Variants in DMD observed in about 807,000 individuals in gnomAD.
DMD encodes dystrophin, also known as mutant dystrophin.
Under a neutral mutation model 330.1 loss-of-function variants are expected in DMD, and 63 were observed. The observed-to-expected ratio is 0.19, with a 90% confidence interval of 0.16 to 0.24. The LOEUF (loss-of-function observed/expected upper bound fraction) is 0.24, where lower values mean the gene tolerates loss of function less well. Ranked by LOEUF, DMD falls within the 10% of genes least tolerant of loss-of-function variation. DMD has a pLI of 1.00. For missense variants in DMD, 3,344 were observed against 2,684.1 expected (o/e 1.25, Z -5.43); for synonymous variants, 1,223 against 959.8 (o/e 1.27, Z -5.07).
At chrX:32,783,949 T>C (rs1047218413) in intron 7 of DMD, among the ~76,000 whole-genome samples, 3 of 106,772 alleles carry the variant, frequency 2.8e-5, no homozygotes, top group African/African-American at 6.8e-5. Context: ...ATTACAGAGA[T>C]TTCCCGATCC....
chrX:32,656,222 C>T (rs894590788), intron 9 of DMD, among the ~76,000 whole-genome samples: 10 of 111,794 alleles, frequency 8.9e-5, no homozygotes, highest in African/African-American at 2.9e-4. Context: ...CATAGATATG[C>T]TCTCTTCTTC....
chrX:31,131,359 T>A (rs1200512399), intron 77 of DMD, among the ~76,000 whole-genome samples: 1 of 112,032 alleles, frequency 8.9e-6, no homozygotes, highest in Non-Finnish European at 1.9e-5. Context: ...AGGCATCACT[T>A]GATGAAACTT....
At chrX:31,364,432 C>A (rs2059122727) in intron 60 of DMD, among the ~76,000 whole-genome samples, 1 of 111,731 alleles carries the variant, frequency 9.0e-6, no homozygotes, top group African/African-American at 3.3e-5. Context: ...GGGCCTGCAG[C>A]AATAGTCTGA....
chrX:31,470,763 C>T (rs2067235322), intron 59 of DMD, among the ~76,000 whole-genome samples: 1 of 112,080 alleles, frequency 8.9e-6, no homozygotes, highest in Admixed American at 9.4e-5. Context: ...GCCCCTTCCC[C>T]GTGGTGCTCT....
rs150210240 is a variant in DMD at position 32,972,111 on chromosome X, A to G, written c.93+48028T>C. Among the ~76,000 whole-genome samples, 845 of 111,732 alleles carry G rather than the reference A, an allele frequency of 7.6e-3. 10 individuals are homozygous for G. Among genetic ancestry groups the G allele is most frequent in the African/African-American group, 0.026 (798 of 30,798 alleles). On this transcript the variant is annotated intron_variant, in intron 2 of 78. Transcript: ENST00000357033. ...CGCACTTAGCAAAAATTACATTTATAACCTTGGCTTTTAATCAAGGTTTAC... is the reference window on the plus strand; with the variant it reads ...CGCACTTAGCAAAAATTACATTTATGACCTTGGCTTTTAATCAAGGTTTAC...
chrX:32,701,081 C>T (rs1464047921), intron 7 of DMD, among the ~76,000 whole-genome samples: 2 of 112,076 alleles, frequency 1.8e-5, no homozygotes, highest in Non-Finnish European at 3.8e-5. Flanking sequence ...ATATGAATCA[C>T]CTGGGGATCT....
intron 52 of DMD, among the ~76,000 whole-genome samples, chrX:31,708,830 T>C (rs969231899): frequency 2.7e-5 from 3 of 112,333 alleles, no homozygotes; most frequent in African/African-American, 9.7e-5. Flanking sequence ...TCAGTTTCCA[T>C]CCCTGTTCAA....
chrX:31,502,030 T>C (rs2070454162), intron 56 of DMD, among the ~76,000 whole-genome samples: 1 of 111,147 alleles, frequency 9.0e-6, no homozygotes, highest in South Asian at 3.8e-4. Flanking sequence ...GAAAAGACAG[T>C]CTCTTCAACA....
intron 2 of DMD, among the ~76,000 whole-genome samples, chrX:32,850,235 G>C (rs896644708): frequency 9.0e-6 from 1 of 111,611 alleles, no homozygotes; most frequent in Non-Finnish European, 1.9e-5. Flanking sequence ...ATACCAGTCA[G>C]AGTGGTTCGA....
intron 52 of DMD, among the ~76,000 whole-genome samples, chrX:31,680,381 T>G (rs2082311346): frequency 1.8e-5 from 2 of 110,752 alleles, no homozygotes; most frequent in Middle Eastern, 4.7e-3. Context: ...TTCTTTCTTT[T>G]TTTTTTTTGA....
chrX:32,691,330 A>AC lies in DMD; in HGVS notation c.960+6539_960+6540insG, dbSNP rs761519747. On this transcript the variant is annotated intron_variant, in intron 9 of 78. Coordinates refer to ENST00000357033, the MANE Select transcript of DMD (RefSeq NM_004006.3). ...CTACAACTCATTGGCAAAAAAAAAAAAACTAAAAACGCAATTAAAAATGGG... is the reference window on the plus strand; with the variant it reads ...CTACAACTCATTGGCAAAAAAAAAAACAACTAAAAACGCAATTAAAAATGGG... Among the ~76,000 whole-genome samples the AC allele has an allele frequency of 1.2e-4, 13 of 110,441 alleles. No individual in the cohort carries two copies. In the East Asian group the frequency reaches 3.7e-3, roughly 31 times the overall value.
Position 31,516,437 on chromosome X carries a change from C to T in DMD, c.8218-8984G>A, listed in dbSNP as rs752688137. Among the ~76,000 whole-genome samples, 9 of 111,236 alleles carry T rather than the reference C, an allele frequency of 8.1e-5. No individual in the cohort carries two copies. The South Asian group carries it at 3.4e-3, about 42-fold the overall frequency. On this transcript the variant is annotated intron_variant, in intron 55 of 78. Transcript: ENST00000357033. ...ATCAGAAAATGCAGTTGGATACAGA[C>T]TCACAAGAGGGTGTGACTGTTTTTT...
At chrX:33,326,922 A>T (rs983960566) in intron 1 of DMD, among the ~76,000 whole-genome samples, 3 of 111,617 alleles carry the variant, frequency 2.7e-5, no homozygotes, top group African/African-American at 9.8e-5. Context: ...GAAATTAGTT[A>T]CATGGCTCTC....
At chrX:32,229,094 GTTTTTT>G (rs753673337) in intron 43 of DMD, among the ~76,000 whole-genome samples, 3 of 109,445 alleles carry the variant, frequency 2.7e-5, no homozygotes, top group Non-Finnish European at 5.7e-5. Flanking sequence ...TTTGTTTCTT[GTTTTTT>G]TTAAGTGTCA....
rs747844968 is a variant in DMD at position 32,636,871 on chromosome X, A to G, written c.1331+7261T>C. On this transcript the variant is annotated intron_variant, in intron 11 of 78. Coordinates refer to ENST00000357033, the MANE Select transcript of DMD (RefSeq NM_004006.3). ...AAGTTAGCCGAGCGTGGTGGCGGGC[A>G]CCTGTAGTCCCAACTACTGGGGAGG... 9.5e-3 allele frequency among the ~76,000 whole-genome samples: 1,041 copies of G among 109,654 alleles called. 5 individuals carry two copies. The highest frequency in any genetic ancestry group is 0.033 in the Middle Eastern group (7 of 214).
chrX:32,112,124 T>C (rs760351941), intron 44 of DMD, among the ~76,000 whole-genome samples: 3 of 109,081 alleles, frequency 2.8e-5, no homozygotes, highest in Non-Finnish European at 5.6e-5. Flanking sequence ...GACAAAGAAA[T>C]GTTCTTGGCT....
intron 41 of DMD, among the ~76,000 whole-genome samples, chrX:32,335,551 GTA>G (rs201383248): frequency 0.059 from 4,430 of 75,376 alleles, 160 homozygotes; most frequent in Admixed American, 0.15. Flanking sequence ...TATATAACGT[GTA>G]TATGTTATAT....
chrX:32,799,781 A>C (rs2076417943), intron 7 of DMD, among the ~76,000 whole-genome samples: 1 of 110,965 alleles, frequency 9.0e-6, no homozygotes. Flanking sequence ...TATGAGCATA[A>C]ACATACATAA....
chrX:32,996,760 T>C (rs2093131278), intron 2 of DMD, among the ~76,000 whole-genome samples: 1 of 107,485 alleles, frequency 9.3e-6, no homozygotes, highest in Non-Finnish European at 1.9e-5. Flanking sequence ...AAGGTTGCAG[T>C]GAGCCGAGAT....
Sources: allele counts gnomAD v4.1 joint callset (sites outside exome capture counted in the v4.1 genomes callset), GRCh38; gene constraint gnomAD v4.1.1; transcripts MANE v1.5; gene names NCBI Gene and HGNC (gene_info 2026-07-23, HGNC 2026-07-21).